Variants in KDM1B observed in about 807,000 individuals in gnomAD.
The protein encoded by KDM1B is lysine demethylase 1B.
In KDM1B, 63 loss-of-function variants were observed where a neutral mutation model predicts 107.4. The ratio of observed to expected loss-of-function variants is 0.59; its 90% CI spans 0.48 to 0.72. The LOEUF is 0.72. KDM1B is among the 30% of genes least tolerant of loss of function. The pLI, the probability that KDM1B is intolerant of heterozygous loss-of-function variation, is 0.00. For missense variants in KDM1B, 749 were observed against 1,020.8 expected (o/e 0.73, Z 3.63); for synonymous variants, 363 against 363.9 (o/e 1.00, Z 0.03).
rs1282360133 is a variant in KDM1B at position 18,214,256 on chromosome 6, T to TCA, written c.2109+477_2109+478dup. Among the ~76,000 whole-genome samples, 1 of 152,228 alleles carries TCA rather than the reference T, an allele frequency of 6.6e-6. No homozygotes were observed. The highest frequency in any genetic ancestry group is 1.5e-5 in the Non-Finnish European group (1 of 68,034). On this transcript the variant is annotated intron_variant, in intron 19 of 21. Coordinates refer to ENST00000650836, the MANE Select transcript of KDM1B (RefSeq NM_001364614.2). The surrounding 1 kb of genome is among the most constrained non-coding windows in gnomAD (Gnocchi z 4.4). ...GGTGGTCACTTTCTCTGCCGTCATGTCACTGCCACACGAAAGAATCATGGC... is the reference window on the plus strand; with the variant it reads ...GGTGGTCACTTTCTCTGCCGTCATGTCACACTGCCACACGAAAGAATCATGGC...
intron 21 of KDM1B, among the ~76,000 whole-genome samples, chr6:18,220,891 G>T (rs969965509): frequency 3.3e-5 from 5 of 151,798 alleles, no homozygotes; most frequent in Non-Finnish European, 7.4e-5. Flanking sequence ...GTTTCAGCTG[G>T]TGTGTGCCAC....
At chr6:18,158,198 A>G (rs941717177) in intron 2 of KDM1B, among the ~76,000 whole-genome samples, 2 of 152,102 alleles carry the variant, frequency 1.3e-5, no homozygotes, top group Admixed American at 1.3e-4. Flanking sequence ...TTTAATGCTT[A>G]AAGAACTATA....
rs9477642 is a variant in KDM1B, at chr6:18,162,450, A to G, written c.216-385A>G. The stretch of plus-strand genomic sequence containing the variant: ...TTATCTTTGCCAAATTGCCTGCTTG[A>G]TGTTCAGATTTCAGCTGACCAGATT... On this transcript the variant is annotated intron_variant, in intron 4 of 21. Coordinates refer to ENST00000650836, the MANE Select transcript of KDM1B (RefSeq NM_001364614.2). The surrounding 1 kb of genome is among the most constrained non-coding windows in gnomAD (Gnocchi z 4.1). Among the ~76,000 whole-genome samples, 6,943 of 152,256 alleles carry G rather than the reference A, an allele frequency of 0.046. 517 individuals are homozygous for G. Among genetic ancestry groups the G allele is most frequent in the African/African-American group, 0.16 (6,472 of 41,508 alleles).
At chr6:18,192,637 G>T (rs181796270) in intron 10 of KDM1B, among the ~76,000 whole-genome samples, 1 of 151,934 alleles carries the variant, frequency 6.6e-6, no homozygotes, top group East Asian at 1.9e-4. Flanking sequence ...AAGAGTGGTG[G>T]TGTGGCCCTG....
intron 3 of KDM1B, among the ~76,000 whole-genome samples, chr6:18,160,646 G>A (rs1582072438): frequency 6.6e-6 from 1 of 152,108 alleles, no homozygotes; most frequent in African/African-American, 2.4e-5. Context: ...GCTGAGGCAG[G>A]AGAATGGCGT....
At position 18,213,497 on chromosome 6, in the gene KDM1B, G is replaced by C. The variant is rs923307899; in HGVS notation, c.1984-159G>C. On this transcript the variant is annotated intron_variant, in intron 18 of 21. Transcript: ENST00000650836. The surrounding 1 kb of genome is among the most constrained non-coding windows in gnomAD (Gnocchi z 5.9). ...AAAAACAACCAAGGAGTTCACAGGG[G>C]GAAAAAAGGAGGTGAGGAGAATGGA... is the stretch of plus-strand genomic sequence containing the variant. Among the ~76,000 whole-genome samples the C allele has an allele frequency of 4.6e-5, 7 of 152,020 alleles. No individual in the cohort carries two copies. The highest frequency in any genetic ancestry group is 4.6e-4 in the Admixed American group (7 of 15,274).
At chr6:18,158,735 AT>A (rs1249446381) in intron 2 of KDM1B, among the ~76,000 whole-genome samples, 2 of 152,172 alleles carry the variant, frequency 1.3e-5, no homozygotes, top group Non-Finnish European at 2.9e-5. Flanking sequence ...CCTTAATCTA[AT>A]TGAAAAAAAT....
In KDM1B at chr6:18,213,515, A is replaced by T; in HGVS notation, c.1984-141A>T. ...CACAGGGGGAAAAAAGGAGGTGAGG[A>T]GAATGGAAAGAGCGGTATTTGGGGT... On this transcript the variant is annotated intron_variant, in intron 18 of 21. Coordinates refer to ENST00000650836, the MANE Select transcript of KDM1B (RefSeq NM_001364614.2). This position sits in a 1 kb window ranked among gnomAD's most constrained non-coding sequence, Gnocchi z 5.9. 1 of 745,832 alleles carries T rather than the reference A, an allele frequency of 1.3e-6. No homozygotes were observed. Among genetic ancestry groups the T allele is most frequent in the South Asian group, 1.9e-5 (1 of 53,232 alleles). The allele number at this position is 745,832 out of a possible 1,614,324, so 46.2% of individuals were successfully genotyped here. A position where few individuals can be genotyped will look rare whatever the true frequency, so the allele number is the denominator to read the frequency against.
At chr6:18,221,605 T>C (rs530227713) in intron 21 of KDM1B, among the ~76,000 whole-genome samples, 41 of 152,338 alleles carry the variant, frequency 2.7e-4, no homozygotes, top group African/African-American at 9.1e-4. Context: ...TTGTACCAGC[T>C]ACATTACTTG....
At position 18,162,776 on chromosome 6, in the gene KDM1B, A is replaced by G. The variant is rs1341599272; in HGVS notation, c.216-59A>G. On this transcript the variant is annotated intron_variant, in intron 4 of 21. Transcript: ENST00000650836. This position sits in a 1 kb window ranked among gnomAD's most constrained non-coding sequence, Gnocchi z 4.1. ...ATGGTGCTTGCAAGATGTTTTTTAA[A>G]AAATGGGAGGAGAAATGTTTATTCA... The G allele has an allele frequency of 4.0e-6, 4 of 998,396 alleles. No individual in the cohort carries two copies. The highest frequency in any genetic ancestry group is 1.3e-5 in the South Asian group (1 of 76,944). 61.8% of individuals were successfully genotyped at this position (998,396 alleles called of 1,614,324 possible). A position where few individuals can be genotyped will look rare whatever the true frequency, so the allele number is the denominator to read the frequency against.
chr6:18,221,838 A>G, intron 21 of KDM1B, 71 bp from the exon 22 acceptor site: 1 of 1,234,254 alleles, frequency 8.1e-7, no homozygotes, highest in South Asian at 1.4e-5. Context: ...GATAAAGTCT[A>G]ACCTTGTTTT....
At chr6:18,220,926 T>C (rs563460160) in intron 21 of KDM1B, among the ~76,000 whole-genome samples, 82 of 152,194 alleles carry the variant, frequency 5.4e-4, no homozygotes, top group African/African-American at 1.8e-3. Flanking sequence ...TTTTTATTTT[T>C]TTTTAGTAGA....
Position 18,191,483 on chromosome 6 carries a change from C to T in KDM1B, c.969+102C>T. On this transcript the variant is annotated intron_variant, in intron 10 of 21. Transcript: ENST00000650836. This position sits in a 1 kb window ranked among gnomAD's most constrained non-coding sequence, Gnocchi z 5.1. ...GATGGAACCTTTTATGCCAGGGTTT[C>T]TCAGCCGTGCCTCTGTTGACAATTT... 7.9e-7 allele frequency: 1 copy of T among 1,264,888 alleles called. No individual in the cohort carries two copies. 78.4% of individuals were successfully genotyped at this position (1,264,888 alleles called of 1,614,324 possible). A position where few individuals can be genotyped will look rare whatever the true frequency, so the allele number is the denominator to read the frequency against.
At chr6:18,160,804 CT>C (rs200240519) in intron 3 of KDM1B, among the ~76,000 whole-genome samples, 291 of 133,088 alleles carry the variant, frequency 2.2e-3, no homozygotes, top group African/African-American at 2.6e-3. Flanking sequence ...TGGGGAATGA[CT>C]TTTTTTTTTT....
rs1789047398 is a variant in KDM1B, at chr6:18,214,076, G to A, written c.2109+295G>A. On this transcript the variant is annotated intron_variant, in intron 19 of 21. Transcript: ENST00000650836. This position sits in a 1 kb window ranked among gnomAD's most constrained non-coding sequence, Gnocchi z 4.4. ...CTCTTAGGTGAAGTTGGAGACATCA[G>A]AGTCAATGAGTGGTGCTTGAAACTT... Among the ~76,000 whole-genome samples, 1 of 152,176 alleles carries A rather than the reference G, an allele frequency of 6.6e-6. No homozygotes were observed. Among genetic ancestry groups the A allele is most frequent in the African/African-American group, 2.4e-5 (1 of 41,444 alleles).
intron 14 of KDM1B, among the ~76,000 whole-genome samples, chr6:18,202,905 G>C (rs1260014181): frequency 6.6e-6 from 1 of 152,056 alleles, no homozygotes; most frequent in African/African-American, 2.4e-5. Context: ...TCGTCAACAG[G>C]GATCATTTAA....
At position 18,214,928 on chromosome 6, in the gene KDM1B, CAAAA is replaced by C; in HGVS notation, c.2110-76_2110-73del. ...CTGTCTCATTTAAAACAAAACAAAA[CAAAA>C]AACAAAAAAAAGAGGCCCTTATCTG... On this transcript the variant is annotated intron_variant, in intron 19 of 21. Transcript: ENST00000650836. The surrounding 1 kb of genome is among the most constrained non-coding windows in gnomAD (Gnocchi z 4.4). The C allele has an allele frequency of 1.4e-6, 2 of 1,445,794 alleles. No individual in the cohort carries two copies. The highest frequency in any genetic ancestry group is 1.8e-6 in the Non-Finnish European group (2 of 1,086,054). The allele number at this position is 1,445,794 out of a possible 1,614,324, so 89.6% of individuals were successfully genotyped here.
intron 2 of KDM1B, among the ~76,000 whole-genome samples, chr6:18,157,961 C>T (rs1292989693): frequency 5.3e-5 from 8 of 151,758 alleles, no homozygotes; most frequent in East Asian, 1.9e-4. Flanking sequence ...TACAGGTGCC[C>T]GCCACCACCC....
At chr6:18,161,096 C>G (rs1784944615) in intron 3 of KDM1B, among the ~76,000 whole-genome samples, 1 of 152,074 alleles carries the variant, frequency 6.6e-6, no homozygotes, top group African/African-American at 2.4e-5. Context: ...GAATTTAGTT[C>G]TTTGCTTAGA....
Sources: allele counts gnomAD v4.1 joint callset (sites outside exome capture counted in the v4.1 genomes callset), GRCh38; gene constraint gnomAD v4.1.1; non-coding constraint Gnocchi (gnomAD v3.1); transcripts MANE v1.5; gene names NCBI Gene and HGNC (gene_info 2026-07-23, HGNC 2026-07-21).